Variants in FRYL observed in about 807,000 individuals in gnomAD.
FRYL encodes protein furry homolog-like.
FRYL carries 150 observed loss-of-function variants against 351.2 expected under a neutral mutation model. The observed-to-expected ratio is 0.43, with a 90% confidence interval of 0.37 to 0.49. The LOEUF (loss-of-function observed/expected upper bound fraction) is 0.49, where lower values mean the gene tolerates loss of function less well. FRYL is among the 20% of genes least tolerant of loss of function. The pLI is 0.00. For missense variants in FRYL, 3,036 were observed against 3,619.3 expected, an observed-to-expected ratio of 0.84 and a Z score of 4.13; for synonymous variants, 1,153 against 1,257.1, an observed-to-expected ratio of 0.92 and a Z score of 1.75.
At chr4:48,620,276 T>A (rs1750387734) in intron 6 of FRYL, among the ~76,000 whole-genome samples, 1 of 152,226 alleles carries the variant, frequency 6.6e-6, no homozygotes, top group Non-Finnish European at 1.5e-5. Context: ...TGTATTACAA[T>A]AATTGCCTCC....
In FRYL at chr4:48,540,064, A is replaced by G. The variant is rs754111620; in HGVS notation, c.6300T>C (p.Phe2100=). ...GCAATAAGCAAAGGATGTTAAGAGG[A>G]AAGCCTATCAAAACAAAAAAAAGCA... ...TLVDPSQLSG[F]PLNILCLLPH... The change falls in exon 47 of 64, where the codon TTT becomes TTC. Residue 2100 remains phenylalanine, a synonymous_variant. Coordinates refer to ENST00000358350, the MANE Select transcript of FRYL (RefSeq NM_015030.2). 4 of 1,607,412 alleles carry G rather than the reference A, an allele frequency of 2.5e-6. No homozygotes were observed. In the African/African-American group the frequency reaches 4.0e-5, roughly 16 times the overall value.
chr4:48,673,518 G>A (rs1763052441), intron 3 of FRYL, among the ~76,000 whole-genome samples: 1 of 152,136 alleles, frequency 6.6e-6, no homozygotes, highest in South Asian at 2.1e-4. Context: ...CTCATAAGTA[G>A]CTGGGACTAC....
chr4:48,557,594 C>G lies in FRYL; in HGVS notation c.3984G>C (p.Arg1328Ser), dbSNP rs1441391934. The G allele has an allele frequency of 1.2e-6, 2 of 1,614,044 alleles. No individual in the cohort carries two copies. The highest frequency in any genetic ancestry group is 1.3e-5 in the African/African-American group (1 of 74,908). Residue 1328 changes from arginine (R) to serine (S), a missense_variant, in exon 34 of 64, where the codon AGG (arginine) becomes AGC (serine). Physicochemically the swap from Arg to Ser is moderately radical, Grantham distance 110 (BLOSUM62 -1). This residue lies in a region of FRYL where 1,987 missense variants were observed against 2,311.7 expected (regional missense o/e 0.86). Coordinates refer to ENST00000358350, the MANE Select transcript of FRYL (RefSeq NM_015030.2). The part of the protein sequence containing the change: ...LVDLKPLPTA[R>S]RHDEDEDDSL... ...AATCATCTTCATCTTCATCATGTCG[C>G]CTTGCTGTGGGGAGAGGTTTTAAGT... is the stretch of plus-strand genomic sequence containing the variant.
intron 5 of FRYL, among the ~76,000 whole-genome samples, chr4:48,622,555 G>A (rs1750877707): frequency 6.6e-6 from 1 of 152,054 alleles, no homozygotes; most frequent in East Asian, 1.9e-4. Context: ...AGCCTGATAT[G>A]AACATTAAAC....
At chr4:48,556,829 A>G in intron 35 of FRYL, 149 bp downstream of exon 35, 1 of 583,912 alleles carries the variant, frequency 1.7e-6, no homozygotes, top group Non-Finnish European at 2.9e-6. Context: ...GAATCAGTGA[A>G]TAAATCCATG....
At chr4:48,675,508 T>G (rs1578676311) in intron 3 of FRYL, among the ~76,000 whole-genome samples, 2 of 152,358 alleles carry the variant, frequency 1.3e-5, no homozygotes, top group South Asian at 4.1e-4. Context: ...GAGGGTGTAC[T>G]GGGTCCCCCA....
chr4:48,534,744 C>T (rs1201100146), intron 48 of FRYL, 59 bp from the exon 49 acceptor site: 17 of 1,033,452 alleles, frequency 1.6e-5, no homozygotes, highest in Non-Finnish European at 2.4e-5. Context: ...AATAAAAACT[C>T]AATATTTACA....
At chr4:48,589,922 AAAG>A (rs1404693368) in intron 17 of FRYL, 45 bp from the exon 18 acceptor site, 8 of 1,483,506 alleles carry the variant, frequency 5.4e-6, no homozygotes, top group Non-Finnish European at 7.5e-6. Context: ...GAAATTAGAT[AAAG>A]AATACTTACT....
At chr4:48,709,538 C>T (rs1009086835) in intron 2 of FRYL, among the ~76,000 whole-genome samples, 3 of 151,590 alleles carry the variant, frequency 2.0e-5, no homozygotes, top group Non-Finnish European at 2.9e-5. Context: ...CACAATTCAA[C>T]AAAAATAGAT....
chr4:48,550,370 C>G (rs148151883), intron 38 of FRYL: 198 of 497,070 alleles, frequency 4.0e-4, no homozygotes, highest in African/African-American at 3.4e-3. Flanking sequence ...TCTTATGTTC[C>G]TTGTGATTTA....
At position 48,534,667 on chromosome 4, in the gene FRYL, A is replaced by G; in HGVS notation, c.6583T>C (p.Ser2195Pro). Reference sequence around the variant, plus strand: ...TGTAGTAATGATTGCTGCATACTGGACAATCCTTTCTCTAACAGCTAAAAA... The same window carrying G: ...TGTAGTAATGATTGCTGCATACTGGGCAATCCTTTCTCTAACAGCTAAAAA... ...YLAELLEKGL[S>P]SMQQSLLQII... The change falls in exon 49 of 64, where the codon TCC becomes CCC. Residue 2195 changes from serine to proline, a missense_variant. Ser to Pro is a moderately conservative substitution (Grantham distance 74). Coordinates refer to ENST00000358350, the MANE Select transcript of FRYL (RefSeq NM_015030.2). The G allele has an allele frequency of 6.4e-7, 1 of 1,560,314 alleles. No individual in the cohort carries two copies. The highest frequency in any genetic ancestry group is 1.1e-5 in the South Asian group (1 of 87,948).
rs368630582 is a variant in FRYL at position 48,540,440 on chromosome 4, C to T, written c.6208G>A (p.Ala2070Thr). 2.7e-5 allele frequency: 44 copies of T among 1,613,538 alleles called. No homozygotes were observed. The East Asian group carries it at 3.1e-4, about 11-fold the overall frequency. The change falls in exon 46 of 64, where the codon GCA becomes ACA. Residue 2070 changes from alanine (A) to threonine (T), a missense_variant. By Grantham distance (58) the Ala-to-Thr change is moderately conservative. Transcript: ENST00000358350. ...TGCACGGTCATTTCTTGTGTAGATG[C>T]TGAGGTAAAACCCTTAAGGAAGAGC... ...QQLFLKGFTS[A>T]STQEMTVHLL...
intron 2 of FRYL, among the ~76,000 whole-genome samples, chr4:48,708,914 T>TG (rs1221285770): frequency 6.2e-4 from 38 of 60,932 alleles, no homozygotes; most frequent in Admixed American, 3.5e-3. Flanking sequence ...TCGTGTGTTT[T>TG]TTTTTTTGTT....
chr4:48,711,909 C>T (rs1041655950), intron 1 of FRYL, among the ~76,000 whole-genome samples: 16 of 152,116 alleles, frequency 1.1e-4, no homozygotes, highest in African/African-American at 3.6e-4. Context: ...TTGCGGTTCA[C>T]GAAAAACCGC....
At chr4:48,552,909 T>C (rs539753884) in intron 36 of FRYL, among the ~76,000 whole-genome samples, 27 of 152,276 alleles carry the variant, frequency 1.8e-4, no homozygotes, top group African/African-American at 5.3e-4. Flanking sequence ...TCATTGGATG[T>C]TCTTCTATTA....
chr4:48,550,580 G>A lies in FRYL; in HGVS notation c.4633+12C>T. The A allele has an allele frequency of 6.7e-7, 1 of 1,489,478 alleles. No individual in the cohort carries two copies. Among genetic ancestry groups the A allele is most frequent in the Non-Finnish European group, 9.4e-7 (1 of 1,067,352 alleles). The allele number at this position is 1,489,478 out of a possible 1,614,324, so 92.3% of individuals were successfully genotyped here. Reference sequence around the variant, plus strand: ...CCTTATAGTTATATTAAAAACATTTGGAATTTATTACTTTTTTCTTCTTCA... The same window carrying A: ...CCTTATAGTTATATTAAAAACATTTAGAATTTATTACTTTTTTCTTCTTCA... On this transcript the variant is annotated intron_variant, in intron 38 of 63. Transcript: ENST00000358350.
chr4:48,517,147 T>C (rs1417406168), intron 55 of FRYL, among the ~76,000 whole-genome samples: 3 of 152,156 alleles, frequency 2.0e-5, no homozygotes, highest in African/African-American at 4.8e-5. Context: ...GGTTTCCAGA[T>C]GAATTTTCTA....
intron 47 of FRYL, among the ~76,000 whole-genome samples, chr4:48,536,876 T>C (rs182683389): frequency 4.1e-4 from 62 of 152,332 alleles, no homozygotes; most frequent in African/African-American, 1.3e-3. Context: ...TTGGAGGGCC[T>C]CAAATTCATC....
intron 45 of FRYL, among the ~76,000 whole-genome samples, chr4:48,541,556 C>T (rs1319315478): frequency 6.6e-6 from 1 of 152,102 alleles, no homozygotes; most frequent in Non-Finnish European, 1.5e-5. Flanking sequence ...ACTATGAGAA[C>T]CCAAAGGATG....
Sources: allele counts gnomAD v4.1 joint callset (sites outside exome capture counted in the v4.1 genomes callset), GRCh38; gene constraint gnomAD v4.1.1; regional missense constraint gnomAD v4.1.1; transcripts MANE v1.5; gene names NCBI Gene and HGNC (gene_info 2026-07-23, HGNC 2026-07-21).